Variants in SHPK observed in about 807,000 individuals in gnomAD.
SHPK encodes the protein sedoheptulokinase, also known as carbohydrate kinase-like protein.
SHPK carries 51 observed loss-of-function variants against 46.3 expected under a neutral mutation model. The ratio of observed to expected loss-of-function variants is 1.10; its 90% CI spans 0.88 to 1.39. The LOEUF is 1.39. SHPK is among the 40% of genes most tolerant of loss of function. The pLI is 0.00. For synonymous variants in SHPK, 290 were observed against 273.9 expected (o/e 1.06, Z -0.58); for missense variants, 668 against 641.3 (o/e 1.04, Z -0.45).
chr17:3,620,794 C>T (rs936923316), intron 5 of SHPK, among the ~76,000 whole-genome samples: 7 of 152,034 alleles, frequency 4.6e-5, no homozygotes, highest in South Asian at 2.1e-4. Flanking sequence ...CTCCTGACCT[C>T]GTGATCCGCC....
intron 2 of SHPK, 145 bp downstream of exon 2, chr17:3,630,060 G>T: frequency 1.0e-6 from 1 of 977,438 alleles, no homozygotes; most frequent in Non-Finnish European, 1.6e-6. Context: ...CACGCAGGAG[G>T]CAGCACGTAT....
chr17:3,634,381 C>A (rs1360869631), intron 1 of SHPK, among the ~76,000 whole-genome samples: 1 of 151,720 alleles, frequency 6.6e-6, no homozygotes, highest in Non-Finnish European at 1.5e-5. Flanking sequence ...ACCAGCCTTG[C>A]CAACATGGTG....
chr17:3,614,861 AAG>A lies in SHPK; in HGVS notation c.1024+474_1024+475del, dbSNP rs1491224391. On this transcript the variant is annotated intron_variant, in intron 6 of 6. Transcript: ENST00000225519. ...AGACTCCGTCTCAAAAAAAAAAAAA[AAG>A]AAGAAGAAGAAGAAGAAAAGCCTGC... Among the ~76,000 whole-genome samples the A allele has an allele frequency of 8.4e-5, 12 of 143,492 alleles. 1 individual carries two copies. Among genetic ancestry groups the A allele is most frequent in the East Asian group, 4.2e-4 (2 of 4,766 alleles). 94.1% of individuals were successfully genotyped at this position (143,492 alleles called of 152,430 possible). A position where few individuals can be genotyped will look rare whatever the true frequency, so the allele number is the denominator to read the frequency against.
At chr17:3,625,432 G>C (rs1038512804) in intron 2 of SHPK, among the ~76,000 whole-genome samples, 1 of 152,302 alleles carries the variant, frequency 6.6e-6, no homozygotes, top group South Asian at 2.1e-4. Context: ...GGGGGAATCA[G>C]CCTTCAGGTA....
intron 1 of SHPK, among the ~76,000 whole-genome samples, chr17:3,631,970 T>C (rs1472927164): frequency 6.6e-6 from 1 of 151,952 alleles, no homozygotes; most frequent in Non-Finnish European, 1.5e-5. Context: ...TTACATTTCT[T>C]TTTTTTTGAG....
Position 3,624,089 on chromosome 17 carries a change from C to G in SHPK, c.453G>C (p.Thr151=). ...AGAAGATGGTTGCACAGCCGAAGCCCGTGGCCACACTGAGATGAGACTTCG... is the reference window on the plus strand; with the variant it reads ...AGAAGATGGTTGCACAGCCGAAGCCGGTGGCCACACTGAGATGAGACTTCG... ...PQPKSHLSVA[T]GFGCATIFWL... is the part of the protein sequence containing the mutation. The change falls in exon 3 of 7, where the codon ACG becomes ACC. Residue 151 remains threonine (T), a synonymous_variant. Coordinates refer to ENST00000225519, the MANE Select transcript of SHPK (RefSeq NM_013276.4). 6.2e-7 allele frequency: 1 copy of G among 1,613,824 alleles called. No individual in the cohort carries two copies. The highest frequency in any genetic ancestry group is 1.1e-5 in the South Asian group (1 of 91,064).
At chr17:3,612,091 A>C (rs970269005) in intron 6 of SHPK, among the ~76,000 whole-genome samples, 6 of 151,118 alleles carry the variant, frequency 4.0e-5, no homozygotes, top group African/African-American at 9.7e-5. Context: ...GGCATGAGCC[A>C]CCATGCCCCG....
chr17:3,615,489 C>T lies in SHPK; in HGVS notation c.872G>A (p.Gly291Glu). The T allele has an allele frequency of 3.7e-6, 6 of 1,614,146 alleles. No individual in the cohort carries two copies. Among genetic ancestry groups the T allele is most frequent in the Non-Finnish European group, 5.1e-6 (6 of 1,180,036 alleles). Residue 291 changes from glycine (G) to glutamate (E), a missense_variant, in exon 6 of 7, where the codon GGA (glycine) becomes GAA (glutamate). By Grantham distance (98) the Gly-to-Glu change is moderately conservative (BLOSUM62 -2). Coordinates refer to ENST00000225519, the MANE Select transcript of SHPK (RefSeq NM_013276.4). ...GTCTGGAGTCTGTGCAGGCTGGAAT[C>T]CTGAAGGCATGGAGGCTGCCAGCTG... is the stretch of plus-strand genomic sequence containing the variant. ...SVQLAASMPS[G>E]FQPAQTPDPT...
In SHPK at chr17:3,608,360, GCCAGCATCACTA is replaced by G. The variant is rs1424817081; in HGVS notation, c.*2188_*2199del. On this transcript the variant is annotated 3_prime_UTR_variant, in exon 7 of 7. Coordinates refer to ENST00000225519, the MANE Select transcript of SHPK (RefSeq NM_013276.4). ...GGTTTCTCTTTGGCATATCCGAACA[GCCAGCATCACTA>G]CCAGCATCACTACTCTGGTGCTTTG... 6.6e-5 allele frequency: 10 copies of G among 152,138 alleles called. 1 individual carries two copies. Among genetic ancestry groups the G allele is most frequent in the Admixed American group, 2.0e-4 (3 of 15,262 alleles). 9.4% of individuals were successfully genotyped at this position (152,138 alleles called of 1,614,324 possible). A position where few individuals can be genotyped will look rare whatever the true frequency, so the allele number is the denominator to read the frequency against.
chr17:3,626,648 G>A (rs1469518584), intron 2 of SHPK, among the ~76,000 whole-genome samples: 1 of 151,486 alleles, frequency 6.6e-6, no homozygotes, highest in African/African-American at 2.4e-5. Context: ...CGTGAACCTG[G>A]GAGGCAGAGC....
chr17:3,611,589 A>G (rs532233541), intron 6 of SHPK, among the ~76,000 whole-genome samples: 2 of 152,020 alleles, frequency 1.3e-5, no homozygotes, highest in Admixed American at 1.3e-4. Context: ...AACAAACAAA[A>G]CTATCATCAT....
chr17:3,611,101 C>T (rs560212532), intron 6 of SHPK, 129 bp from the exon 7 acceptor site: 1 of 900,554 alleles, frequency 1.1e-6, no homozygotes, highest in South Asian at 1.7e-5. Flanking sequence ...GCTGGTGGTT[C>T]TGGGCTCAGG....
At chr17:3,619,472 C>A (rs1017112576) in intron 5 of SHPK, 6 of 1,042,058 alleles carry the variant, frequency 5.8e-6, no homozygotes, top group Non-Finnish European at 8.8e-6. Flanking sequence ...CGATGGCTCA[C>A]ACCTGTAATC....
chr17:3,633,393 G>C (rs888010480), intron 1 of SHPK, among the ~76,000 whole-genome samples: 1 of 151,184 alleles, frequency 6.6e-6, no homozygotes, highest in Non-Finnish European at 1.5e-5. Context: ...AGGGGCAAGC[G>C]TGGCTGGCAT....
chr17:3,617,777 C>T (rs1337171346), intron 5 of SHPK, among the ~76,000 whole-genome samples: 1 of 152,102 alleles, frequency 6.6e-6, no homozygotes, highest in Admixed American at 6.6e-5. Context: ...ACTGAATCTG[C>T]TGACATTTTT....
intron 2 of SHPK, among the ~76,000 whole-genome samples, chr17:3,629,643 A>C (rs1301576233): frequency 6.6e-6 from 1 of 150,752 alleles, no homozygotes; most frequent in Non-Finnish European, 1.5e-5. Flanking sequence ...CAGGAAGACC[A>C]CTTGAACTCG....
At chr17:3,632,765 T>C (rs2075480682) in intron 1 of SHPK, among the ~76,000 whole-genome samples, 1 of 152,044 alleles carries the variant, frequency 6.6e-6, no homozygotes, top group African/African-American at 2.4e-5. Flanking sequence ...GGCCTCTTTT[T>C]ACAGCGGAGG....
At chr17:3,621,472 A>ATCCT (rs897844938) in intron 4 of SHPK, 60 bp from the exon 5 acceptor site, 21 of 1,500,078 alleles carry the variant, frequency 1.4e-5, no homozygotes, top group Admixed American at 5.4e-5. Context: ...AATTTAAGGG[A>ATCCT]TCCTTCCTTC....
intron 3 of SHPK, 65 bp from the exon 4 acceptor site, chr17:3,623,556 A>T: frequency 6.6e-7 from 1 of 1,509,178 alleles, no homozygotes; most frequent in Non-Finnish European, 9.2e-7. Context: ...TGCCGCACCT[A>T]GCTGCAGGCA....
Sources: allele counts gnomAD v4.1 joint callset (sites outside exome capture counted in the v4.1 genomes callset), GRCh38; gene constraint gnomAD v4.1.1; transcripts MANE v1.5; gene names NCBI Gene and HGNC (gene_info 2026-07-23, HGNC 2026-07-21).